GRIK3: variants seen among roughly 807,000 people sequenced by gnomAD.
GRIK3 encodes the protein glutamate receptor ionotropic, kainate 3.
Under a neutral mutation model 102.5 loss-of-function variants are expected in GRIK3, and 29 were observed. That is an observed-to-expected ratio of 0.28 (90% CI 0.21 to 0.39). GRIK3 has a LOEUF of 0.39. Ranked by LOEUF, GRIK3 falls within the 10% of genes least tolerant of loss-of-function variation. The pLI is 1.00. For synonymous variants in GRIK3, 511 were observed against 504.9 expected (o/e 1.01, Z -0.16); for missense variants, 908 against 1,252.4 (o/e 0.73, Z 4.15).
intron 12 of GRIK3, among the ~76,000 whole-genome samples, chr1:36,817,600 T>C (rs1295319412): frequency 6.6e-6 from 1 of 152,182 alleles, no homozygotes; most frequent in Non-Finnish European, 1.5e-5. Flanking sequence ...GAACAACATA[T>C]ACATTCACAT....
At position 37,014,302 on chromosome 1, in the gene GRIK3, T is replaced by C. The variant is rs1189674076; in HGVS notation, c.115+19692A>G. 4.6e-5 allele frequency among the ~76,000 whole-genome samples: 7 copies of C among 152,200 alleles called. No individual in the cohort carries two copies. The South Asian group carries it at 1.0e-3, about 23-fold the overall frequency. On this transcript the variant is annotated intron_variant, in intron 1 of 15. Coordinates refer to ENST00000373091, the MANE Select transcript of GRIK3 (RefSeq NM_000831.4). ...AGCACCTAGGAATGTGCCTGGCACA[T>C]AGTAGGTGCTCAACCAACATTTATT...
At chr1:36,933,171 A>G (rs1012020189) in intron 1 of GRIK3, among the ~76,000 whole-genome samples, 12 of 152,210 alleles carry the variant, frequency 7.9e-5, no homozygotes, top group African/African-American at 2.9e-4. Context: ...ACAGTCTGGC[A>G]GGCTACACGG....
chr1:36,802,630 G>T (rs1405893362), intron 15 of GRIK3, among the ~76,000 whole-genome samples: 2 of 152,152 alleles, frequency 1.3e-5, no homozygotes, highest in East Asian at 1.9e-4. Context: ...CCTTCTTTTG[G>T]CCTGGGTCCC....
rs147732789 is a variant in GRIK3, at chr1:36,856,528, A to G, written c.1104+2580T>C. On this transcript the variant is annotated intron_variant, in intron 7 of 15. Transcript: ENST00000373091. ...TACTGTCATGCAATCAGATGGGGAG[A>G]CGGGCAAGTTGGAAATGGTCTGACG... Among the ~76,000 whole-genome samples the G allele has an allele frequency of 8.2e-3, 1,249 of 152,192 alleles. 20 individuals carry two copies. Among genetic ancestry groups the G allele is most frequent in the African/African-American group, 0.028 (1,159 of 41,510 alleles).
In GRIK3 at chr1:36,989,623, C is replaced by T. The variant is rs532222854; in HGVS notation, c.115+44371G>A. ...ATCACATGCTTGGATCTCTGGGATC[C>T]TCCTGGGGGACCAAGTCTGGGCCCC... On this transcript the variant is annotated intron_variant, in intron 1 of 15. Coordinates refer to ENST00000373091, the MANE Select transcript of GRIK3 (RefSeq NM_000831.4). Among the ~76,000 whole-genome samples, 10 of 152,316 alleles carry T rather than the reference C, an allele frequency of 6.6e-5. No individual in the cohort carries two copies. The South Asian group carries it at 2.1e-3, about 32-fold the overall frequency.
At position 36,804,974 on chromosome 1, in the gene GRIK3, C is replaced by CTA. The variant is rs765813450; in HGVS notation, c.2565+12_2565+13insTA. The CTA allele has an allele frequency of 2.5e-4, 401 of 1,613,812 alleles. No individual in the cohort carries two copies. Among genetic ancestry groups the CTA allele is most frequent in the Non-Finnish European group, 3.2e-4 (381 of 1,179,902 alleles). ...TTTCCCATCCTGTGCAGGCTCCAAG[C>CTA]TCTAAGGCTTACCTGCTCTCTCTCT... On this transcript the variant is annotated intron_variant, in intron 15 of 15. Coordinates refer to ENST00000373091, the MANE Select transcript of GRIK3 (RefSeq NM_000831.4).
chr1:36,841,631 C>T, intron 10 of GRIK3, 105 bp downstream of exon 10: 1 of 952,012 alleles, frequency 1.1e-6, no homozygotes. Context: ...TCACTCCTGT[C>T]CCCAGGGCCT....
chr1:36,941,273 G>A (rs542085414), intron 1 of GRIK3, among the ~76,000 whole-genome samples: 4 of 152,310 alleles, frequency 2.6e-5, no homozygotes, highest in South Asian at 4.1e-4. Context: ...CACTCCAAGC[G>A]CCAGACACAC....
intron 1 of GRIK3, among the ~76,000 whole-genome samples, chr1:36,963,407 T>C (rs1642036883): frequency 6.6e-6 from 1 of 152,224 alleles, no homozygotes; most frequent in African/African-American, 2.4e-5. Context: ...ATTTCCTGCA[T>C]GCCTGGGAGG....
chr1:36,978,726 G>A (rs933674523), intron 1 of GRIK3, among the ~76,000 whole-genome samples: 5 of 152,172 alleles, frequency 3.3e-5, no homozygotes, highest in Non-Finnish European at 7.3e-5. Context: ...TAACATGCAC[G>A]CCAGGCTAGT....
intron 9 of GRIK3, among the ~76,000 whole-genome samples, chr1:36,844,072 C>T (rs1640492336): frequency 6.6e-6 from 1 of 152,226 alleles, no homozygotes; most frequent in Non-Finnish European, 1.5e-5. Flanking sequence ...AAGCTTGAGC[C>T]TTTGGCCCTC....
chr1:37,031,907 T>G (rs1421927353), intron 1 of GRIK3, among the ~76,000 whole-genome samples: 5 of 151,920 alleles, frequency 3.3e-5, no homozygotes, highest in South Asian at 4.2e-4. Flanking sequence ...GGCCTCAGAG[T>G]CCTCCCATCC....
intron 2 of GRIK3, among the ~76,000 whole-genome samples, chr1:36,886,027 C>A (rs1173838530): frequency 2.0e-5 from 3 of 152,132 alleles, no homozygotes; most frequent in Non-Finnish European, 2.9e-5. Context: ...CCTGGGGAGC[C>A]CTGGGTCAAT....
chr1:36,997,144 A>G lies in GRIK3; in HGVS notation c.115+36850T>C, dbSNP rs150972858. On this transcript the variant is annotated intron_variant, in intron 1 of 15. Coordinates refer to ENST00000373091, the MANE Select transcript of GRIK3 (RefSeq NM_000831.4). ...TCTATCTCTAGGAGCTCCACCTCCA[A>G]GGACTTACAGATTGGGCCTCCACCC... Among the ~76,000 whole-genome samples the G allele has an allele frequency of 3.6e-3, 551 of 152,298 alleles. 3 individuals are homozygous for G. The highest frequency in any genetic ancestry group is 0.013 in the African/African-American group (522 of 41,570).
At chr1:36,803,063 T>C (rs1397376482) in intron 15 of GRIK3, among the ~76,000 whole-genome samples, 1 of 152,008 alleles carries the variant, frequency 6.6e-6, no homozygotes, top group Non-Finnish European at 1.5e-5. Context: ...GAATAGATAA[T>C]GAACACGTGA....
rs377318053 is a variant in GRIK3, at chr1:36,941,138, C to T, written c.116-50042G>A. Among the ~76,000 whole-genome samples the T allele has an allele frequency of 1.4e-4, 21 of 152,230 alleles. 2 individuals carry two copies. The highest frequency in any genetic ancestry group is 5.1e-4 in the African/African-American group (21 of 41,526). Reference sequence around the variant, plus strand: ...ACAAGTATGGTGCAGGTGCAGGTCTCCCATGATAGAATGATTTCAGATCAG... The same window carrying T: ...ACAAGTATGGTGCAGGTGCAGGTCTTCCATGATAGAATGATTTCAGATCAG... On this transcript the variant is annotated intron_variant, in intron 1 of 15. Coordinates refer to ENST00000373091, the MANE Select transcript of GRIK3 (RefSeq NM_000831.4).
At chr1:36,857,737 G>T (rs955003863) in intron 7 of GRIK3, among the ~76,000 whole-genome samples, 3 of 152,222 alleles carry the variant, frequency 2.0e-5, no homozygotes, top group African/African-American at 2.4e-5. Flanking sequence ...AAGCAGCGAT[G>T]GTGAACTTGG....
chr1:36,828,322 G>T (rs1415341079), intron 10 of GRIK3, among the ~76,000 whole-genome samples: 1 of 152,168 alleles, frequency 6.6e-6, no homozygotes, highest in East Asian at 1.9e-4. Flanking sequence ...CCCAAGTCCT[G>T]TCCCTTCAAA....
In GRIK3 at chr1:36,939,201, T is replaced by A. The variant is rs539245906; in HGVS notation, c.116-48105A>T. 2.1e-3 allele frequency among the ~76,000 whole-genome samples: 319 copies of A among 152,280 alleles called. 2 individuals carry two copies. Among genetic ancestry groups the A allele is most frequent in the Admixed American group, 9.2e-4 (14 of 15,298 alleles). Reference sequence around the variant, plus strand: ...ATGGAAGTGAAACATGAAAAGCTGATCATGTGCCCCCAGAGGGAGCGGGGC... The same window carrying A: ...ATGGAAGTGAAACATGAAAAGCTGAACATGTGCCCCCAGAGGGAGCGGGGC... On this transcript the variant is annotated intron_variant, in intron 1 of 15. Transcript: ENST00000373091.
Sources: gnomAD v4.1 joint callset for allele counts (sites outside exome capture counted in the v4.1 genomes callset) on GRCh38, gnomAD v4.1.1 for gene constraint, MANE v1.5 for transcripts, NCBI Gene and HGNC (gene_info 2026-07-23, HGNC 2026-07-21) for gene names.